The following CLK3 variants were observed in gnomAD, a reference collection of about 807,000 sequenced individuals.
CLK3 encodes dual specificity protein kinase CLK3.
CLK3 carries 24 observed loss-of-function variants against 65.2 expected under a neutral mutation model. That is an observed-to-expected ratio of 0.37 (90% confidence interval 0.27 to 0.52). The LOEUF is 0.52. Among genes scored for constraint, CLK3 ranks in the 20% least tolerant of loss-of-function variants. The pLI is 0.92. For synonymous variants in CLK3, 252 were observed against 240.8 expected (o/e 1.05, Z -0.43); for missense variants, 506 against 660.0 (o/e 0.77, Z 2.56).
Position 74,625,787 on chromosome 15 carries a change from A to T in CLK3, c.651-15A>T, listed in dbSNP as rs1567144641. 1 of 1,613,772 alleles carries T rather than the reference A, an allele frequency of 6.2e-7. No homozygotes were observed. Among genetic ancestry groups the T allele is most frequent in the East Asian group, 2.2e-5 (1 of 44,894 alleles). On this transcript the variant is annotated splice_polypyrimidine_tract_variant and intron_variant, in intron 6 of 12. Coordinates refer to ENST00000395066, the MANE Select transcript of CLK3 (RefSeq NM_001130028.2). ...CCAGCACACAGCCTGAGCCCTGCCC[A>T]TCCTCCTCCTCCAGCCTGTGTGTCT...
rs1252436855 is a variant in CLK3 at position 74,624,972 on chromosome 15, A to G, written c.604A>G (p.Ile202Val). The change falls in exon 6 of 13, where the codon ATC becomes GTC. Residue 202 changes from isoleucine (I) to valine (V), a missense_variant. By Grantham distance (29) the Ile-to-Val change is conservative (BLOSUM62 3). Transcript: ENST00000395066. The surrounding 1 kb of genome is among the most constrained non-coding windows in gnomAD (Gnocchi z 4.2). Reference sequence around the variant, plus strand: ...GTACCGGGAGGCTGCCCGGCTAGAAATCAACGTGCTCAAAAAAATCAAGGA... The same window carrying G: ...GTACCGGGAGGCTGCCCGGCTAGAAGTCAACGTGCTCAAAAAAATCAAGGA... ...GKYREAARLE[I>V]NVLKKIKEKD... The G allele has an allele frequency of 6.2e-7, 1 of 1,613,680 alleles. No homozygotes were observed. Among genetic ancestry groups the G allele is most frequent in the Non-Finnish European group, 8.5e-7 (1 of 1,179,840 alleles).
At chr15:74,625,103 G>C (rs1342799106) in intron 6 of CLK3, 85 bp downstream of exon 6, 3 of 946,070 alleles carry the variant, frequency 3.2e-6, no homozygotes, top group Non-Finnish European at 5.1e-6. Flanking sequence ...TCACCCATCC[G>C]CACTGTGCCT....
Position 74,622,577 on chromosome 15 carries a change from AGTACAGCTGGCTCCG to A in CLK3, c.533+19_533+33del. 1 of 1,596,358 alleles carries A rather than the reference AGTACAGCTGGCTCCG, an allele frequency of 6.3e-7. No individual in the cohort carries two copies. The highest frequency in any genetic ancestry group is 1.1e-5 in the South Asian group (1 of 88,368). On this transcript the variant is annotated intron_variant, in intron 5 of 12. Transcript: ENST00000395066. The surrounding 1 kb of genome is among the most constrained non-coding windows in gnomAD (Gnocchi z 4.6). ...CCATGCCAGGTGAGCGAGCTGCGGCAGTACAGCTGGCTCCGGATGTGATCTTCCTGGGAAGAGCTG... is the reference window on the plus strand; with the variant it reads ...CCATGCCAGGTGAGCGAGCTGCGGCAGATGTGATCTTCCTGGGAAGAGCTG...
upstream of CLK3, chr15:74,615,789 C>G: frequency 1.6e-6 from 2 of 1,243,852 alleles, no homozygotes; most frequent in South Asian, 3.4e-5. Flanking sequence ...CTGGCGACGG[C>G]TGCGTCACGC....
intron 2 of CLK3, among the ~76,000 whole-genome samples, chr15:74,619,603 C>G (rs753803864): frequency 2.0e-5 from 3 of 152,186 alleles, no homozygotes; most frequent in African/African-American, 7.2e-5. Context: ...TCTAGGCCAG[C>G]ATCTTTCCGC....
At chr15:74,619,156 G>A in intron 1 of CLK3, 41 bp from the exon 2 acceptor site, 1 of 1,607,370 alleles carries the variant, frequency 6.2e-7, no homozygotes, top group Non-Finnish European at 8.5e-7. Context: ...GGAGGTGGCT[G>A]GCTGTGTGTT....
intron 1 of CLK3, among the ~76,000 whole-genome samples, chr15:74,617,467 G>A (rs570085494): frequency 6.6e-6 from 1 of 152,380 alleles, no homozygotes; most frequent in African/African-American, 2.4e-5. Flanking sequence ...CCTTGTAAGA[G>A]ATTACTATTC....
chr15:74,617,363 G>A (rs963157725), intron 1 of CLK3, among the ~76,000 whole-genome samples: 3 of 152,236 alleles, frequency 2.0e-5, no homozygotes, highest in African/African-American at 7.2e-5. Context: ...GGAACTTTCA[G>A]ATGTTCATGA....
At chr15:74,618,181 A>C (rs959915320) in intron 1 of CLK3, among the ~76,000 whole-genome samples, 32 of 152,210 alleles carry the variant, frequency 2.1e-4, no homozygotes, top group Non-Finnish European at 2.9e-5. Context: ...GCTGTGGCCA[A>C]GTGTGAGTGT....
chr15:74,625,077 G>C, intron 6 of CLK3, 59 bp downstream of exon 6: 1 of 1,279,172 alleles, frequency 7.8e-7, no homozygotes, highest in East Asian at 2.3e-5. Context: ...ACCCCCAGGG[G>C]CTTAGTAGTG....
upstream of CLK3, among the ~76,000 whole-genome samples, chr15:74,614,266 G>A (rs150857499): frequency 2.0e-3 from 306 of 152,302 alleles, 1 homozygote; most frequent in African/African-American, 6.3e-3. Context: ...ATCCACCTCA[G>A]CCTCCCAAAG....
chr15:74,615,671 A>T (rs1266475244), upstream of CLK3: 4 of 1,245,844 alleles, frequency 3.2e-6, no homozygotes, highest in African/African-American at 6.2e-5. Context: ...CCCTCCCGGA[A>T]CTAGTCTCCT....
At chr15:74,615,936 G>A in intron 1 of CLK3, 38 bp downstream of exon 1, 1 of 1,230,952 alleles carries the variant, frequency 8.1e-7, no homozygotes, top group Non-Finnish European at 1.0e-6. Context: ...CGACAGCGGC[G>A]GCGGCGGCCG....
intron 5 of CLK3, among the ~76,000 whole-genome samples, chr15:74,623,384 C>A (rs1435934829): frequency 6.6e-6 from 1 of 152,332 alleles, no homozygotes; most frequent in Admixed American, 6.5e-5. Context: ...TAAACATGCT[C>A]AGGGTTTGCC....
chr15:74,611,130 C>A (rs1206027564), upstream of CLK3, among the ~76,000 whole-genome samples: 3 of 152,234 alleles, frequency 2.0e-5, no homozygotes, highest in African/African-American at 7.2e-5. Flanking sequence ...CCCTAGCCAC[C>A]CCCAGCATAT....
chr15:74,619,771 A>T (rs758382036), intron 2 of CLK3, among the ~76,000 whole-genome samples: 1 of 152,056 alleles, frequency 6.6e-6, no homozygotes, highest in Non-Finnish European at 1.5e-5. Flanking sequence ...GCACTCTACC[A>T]TACTCCCCTT....
intron 2 of CLK3, 153 bp from the exon 3 acceptor site, chr15:74,619,856 T>G (rs746833615): frequency 1.8e-5 from 23 of 1,301,066 alleles, no homozygotes; most frequent in Non-Finnish European, 2.3e-5. Flanking sequence ...TTAGTACCTT[T>G]GCACCCTCCC....
Position 74,625,928 on chromosome 15 carries a change from T to C in CLK3, c.777T>C (p.His259=), listed in dbSNP as rs2062140489. The C allele has an allele frequency of 6.2e-7, 1 of 1,614,184 alleles. No individual in the cohort carries two copies. Among genetic ancestry groups the C allele is most frequent in the Non-Finnish European group, 8.5e-7 (1 of 1,180,014 alleles). The part of the protein sequence containing the change: ...ENNFQPYPLP[H]VRHMAYQLCH... Reference sequence around the variant, plus strand: ...ACTTCCAGCCTTACCCCCTACCACATGTCCGGCACATGGCCTACCAGCTCT... The same window carrying C: ...ACTTCCAGCCTTACCCCCTACCACACGTCCGGCACATGGCCTACCAGCTCT... Residue 259 remains histidine (H), a synonymous_variant, in exon 7 of 13, where the codon CAT becomes CAC. Transcript: ENST00000395066.
At chr15:74,617,952 G>C (rs1378303770) in intron 1 of CLK3, among the ~76,000 whole-genome samples, 1 of 152,224 alleles carries the variant, frequency 6.6e-6, no homozygotes, top group Non-Finnish European at 1.5e-5. Context: ...GTACACGGGG[G>C]AAGACAAGTT....
Sources: allele counts gnomAD v4.1 joint callset (sites outside exome capture counted in the v4.1 genomes callset), GRCh38; gene constraint gnomAD v4.1.1; non-coding constraint Gnocchi (gnomAD v3.1); transcripts MANE v1.5; gene names NCBI Gene and HGNC (gene_info 2026-07-23, HGNC 2026-07-21).